Variants in PARD3B observed in about 807,000 individuals in gnomAD.
PARD3B encodes partitioning defective 3 homolog B.
A neutral mutation model predicts 130.2 loss-of-function variants in PARD3B; 103 were observed. The ratio of observed to expected loss-of-function variants is 0.79; its 90% confidence interval spans 0.67 to 0.93. PARD3B has a LOEUF of 0.93. Ranked by LOEUF, PARD3B falls within the 40% of genes least tolerant of loss-of-function variation. The pLI is 0.00. For missense variants in PARD3B, 1,609 were observed against 1,499.2 expected (o/e 1.07, Z -1.21); for synonymous variants, 583 against 553.2 (o/e 1.05, Z -0.76).
chr2:205,267,774 CA>C (rs2040567827), intron 16 of PARD3B, among the ~76,000 whole-genome samples: 1 of 152,074 alleles, frequency 6.6e-6, no homozygotes. Flanking sequence ...ATACATTCAA[CA>C]AATAGTAATA....
intron 2 of PARD3B, among the ~76,000 whole-genome samples, chr2:204,688,877 G>A (rs749155766): frequency 2.0e-5 from 3 of 152,104 alleles, no homozygotes; most frequent in Non-Finnish European, 4.4e-5. Flanking sequence ...TTAAAATGTG[G>A]ATAGAGAACA....
rs531902421 is a variant in PARD3B, at chr2:205,462,949, C to T, written c.3044+22277C>T. Among the ~76,000 whole-genome samples, 11 of 152,214 alleles carry T rather than the reference C, an allele frequency of 7.2e-5. No individual in the cohort carries two copies. The East Asian group carries it at 2.1e-3, about 29-fold the overall frequency. On this transcript the variant is annotated intron_variant, in intron 20 of 22. Transcript: ENST00000406610. Reference sequence around the variant, plus strand: ...ATGAACCAACCTGAACAATTCTGTACCCAGTTTTTAGTTTGGATTGTGCCC... The same window carrying T: ...ATGAACCAACCTGAACAATTCTGTATCCAGTTTTTAGTTTGGATTGTGCCC...
intron 2 of PARD3B, among the ~76,000 whole-genome samples, chr2:204,911,378 G>C (rs2047229141): frequency 6.6e-6 from 1 of 152,224 alleles, no homozygotes; most frequent in African/African-American, 2.4e-5. Flanking sequence ...AAGATCATCA[G>C]TGGTGTTCAC....
rs1163542347 is a variant in PARD3B, at chr2:205,346,200, TAAATAAA to T, written c.2630+44500_2630+44506del. Among the ~76,000 whole-genome samples, 197 of 149,396 alleles carry T rather than the reference TAAATAAA, an allele frequency of 1.3e-3. 3 individuals are homozygous for T. The highest frequency in any genetic ancestry group is 4.5e-3 in the African/African-American group (184 of 40,904). On this transcript the variant is annotated intron_variant, in intron 18 of 22. Transcript: ENST00000406610. Reference sequence around the variant, plus strand: ...ATAAATAAATAAATAAATAAATAAATAAATAAATAAATAAATAAATTTCATATAAATG... The same window carrying T: ...ATAAATAAATAAATAAATAAATAAATTAAATAAATAAATTTCATATAAATG...
At chr2:205,541,686 T>A (rs1287248372) in intron 21 of PARD3B, among the ~76,000 whole-genome samples, 1 of 152,100 alleles carries the variant, frequency 6.6e-6, no homozygotes, top group Non-Finnish European at 1.5e-5. Context: ...CCTGTTTTTT[T>A]CCCTTCGTGG....
chr2:204,732,640 TCTTA>T (rs956259163), intron 2 of PARD3B, among the ~76,000 whole-genome samples: 103 of 151,984 alleles, frequency 6.8e-4, no homozygotes, highest in Non-Finnish European at 6.2e-4. Context: ...AGTAAGGATT[TCTTA>T]CTTCTTCTTC....
chr2:205,253,479 A>G lies in PARD3B; in HGVS notation c.2185+7657A>G. ...CTTGTGGATGGATGCAAAGAGACCA[A>G]ACTTGGCGGGCACTGGAAGTACCTG... On this transcript the variant is annotated intron_variant, in intron 16 of 22. Coordinates refer to ENST00000406610, the MANE Select transcript of PARD3B (RefSeq NM_001302769.2). This position sits in a 1 kb window ranked among gnomAD's most constrained non-coding sequence, Gnocchi z 4.4. 1 of 559,142 alleles carries G rather than the reference A, an allele frequency of 1.8e-6. No individual in the cohort carries two copies. Among genetic ancestry groups the G allele is most frequent in the South Asian group, 1.4e-5 (1 of 72,550 alleles). 34.6% of individuals were successfully genotyped at this position (559,142 alleles called of 1,614,324 possible).
At chr2:204,812,940 A>G (rs1478439900) in intron 2 of PARD3B, among the ~76,000 whole-genome samples, 1 of 152,146 alleles carries the variant, frequency 6.6e-6, no homozygotes, top group African/African-American at 2.4e-5. Flanking sequence ...TTGCTTAACT[A>G]CTTATTCTAA....
intron 19 of PARD3B, among the ~76,000 whole-genome samples, chr2:205,415,124 A>G (rs535160562): frequency 1.3e-5 from 2 of 152,304 alleles, no homozygotes; most frequent in East Asian, 3.9e-4. Context: ...TGCAATGACC[A>G]TTAAATATTC....
intron 18 of PARD3B, among the ~76,000 whole-genome samples, chr2:205,384,943 C>T (rs775450821): frequency 6.6e-6 from 1 of 152,086 alleles, no homozygotes; most frequent in African/African-American, 2.4e-5. Context: ...GAAACATTCA[C>T]TAGACTATAA....
chr2:204,555,753 A>T (rs1303408732), intron 1 of PARD3B, among the ~76,000 whole-genome samples: 1 of 152,140 alleles, frequency 6.6e-6, no homozygotes, highest in Admixed American at 6.5e-5. Context: ...AGCATGCCAG[A>T]CAGACTCTTA....
chr2:205,559,797 C>T (rs959404482), intron 22 of PARD3B, among the ~76,000 whole-genome samples: 3 of 152,044 alleles, frequency 2.0e-5, no homozygotes, highest in Non-Finnish European at 2.9e-5. Context: ...CGAGGTTTCA[C>T]CATGTTGGCC....
rs1342099858 is a variant in PARD3B, at chr2:205,590,645, G to C, written c.3261-24811G>C. Among the ~76,000 whole-genome samples the C allele has an allele frequency of 6.6e-6, 1 of 152,100 alleles. No individual in the cohort carries two copies. Among genetic ancestry groups the C allele is most frequent in the Non-Finnish European group, 1.5e-5 (1 of 68,038 alleles). ...CCAAAAGAACAGAAGGCTGTCACCA[G>C]GATAAAGTAGGACAGATGCTAGACT... On this transcript the variant is annotated intron_variant, in intron 22 of 22. Transcript: ENST00000406610. This position sits in a 1 kb window ranked among gnomAD's most constrained non-coding sequence, Gnocchi z 4.1.
At chr2:205,131,793 G>C (rs554377182) in intron 10 of PARD3B, among the ~76,000 whole-genome samples, 1 of 152,128 alleles carries the variant, frequency 6.6e-6, no homozygotes, top group African/African-American at 2.4e-5. Context: ...ACAGATTACC[G>C]AACAGGAGAC....
At chr2:204,612,023 CA>C (rs2033947571) in intron 1 of PARD3B, among the ~76,000 whole-genome samples, 1 of 152,152 alleles carries the variant, frequency 6.6e-6, no homozygotes. Flanking sequence ...GCATTTTAGA[CA>C]GTGAGAATTT....
chr2:204,643,870 T>C (rs1341334421), intron 1 of PARD3B, among the ~76,000 whole-genome samples: 1 of 152,164 alleles, frequency 6.6e-6, no homozygotes, highest in Non-Finnish European at 1.5e-5. Flanking sequence ...GACTAGTCCC[T>C]CCTGAAGCTA....
At chr2:204,959,483 G>T (rs1690561320) in intron 2 of PARD3B, among the ~76,000 whole-genome samples, 1 of 152,004 alleles carries the variant, frequency 6.6e-6, no homozygotes. Context: ...TATTCCTTTG[G>T]GTATGTACCC....
chr2:204,903,126 C>G (rs1350234142), intron 2 of PARD3B, among the ~76,000 whole-genome samples: 2 of 152,182 alleles, frequency 1.3e-5, no homozygotes, highest in Non-Finnish European at 2.9e-5. Context: ...TATGGTACTT[C>G]TAGTTTTAAG....
chr2:204,986,227 C>T (rs1693144147), intron 3 of PARD3B, among the ~76,000 whole-genome samples: 1 of 151,932 alleles, frequency 6.6e-6, no homozygotes, highest in Non-Finnish European at 1.5e-5. Flanking sequence ...TGTGTGTCAC[C>T]TTTGCTGACT....
Sources: gnomAD v4.1 joint callset for allele counts (sites outside exome capture counted in the v4.1 genomes callset) on GRCh38, gnomAD v4.1.1 for gene constraint, Gnocchi (gnomAD v3.1) non-coding constraint, MANE v1.5 for transcripts, NCBI Gene and HGNC (gene_info 2026-07-23, HGNC 2026-07-21) for gene names.